NSD1: variants seen among roughly 807,000 people sequenced by gnomAD.
The protein encoded by NSD1 is nuclear receptor binding SET domain protein 1.
Under a neutral mutation model 242.7 loss-of-function variants are expected in NSD1, and 26 were observed. That is an observed-to-expected ratio of 0.11 (90% CI 0.08 to 0.15). The LOEUF (loss-of-function observed/expected upper bound fraction) is 0.15. NSD1 is among the 10% of genes least tolerant of loss of function. NSD1 has a pLI of 1.00. For missense variants in NSD1, 2,495 were observed against 3,272.8 expected (o/e 0.76, Z 5.80); for synonymous variants, 1,106 against 1,178.1 (o/e 0.94, Z 1.25).
chr5:177,139,086 C>A (rs990588080), intron 2 of NSD1, among the ~76,000 whole-genome samples: 7 of 151,470 alleles, frequency 4.6e-5, no homozygotes, highest in Admixed American at 2.0e-4. Flanking sequence ...CCCGTCTCTA[C>A]TAAAAATACA....
At chr5:177,213,976 T>C (rs1013644022) in intron 5 of NSD1, among the ~76,000 whole-genome samples, 1 of 152,060 alleles carries the variant, frequency 6.6e-6, no homozygotes, top group Admixed American at 6.6e-5. Context: ...GTACCTTTTT[T>C]GGTTTTTTTT....
At chr5:177,173,291 C>CAAAA (rs60043429) in intron 2 of NSD1, among the ~76,000 whole-genome samples, 2 of 97,042 alleles carry the variant, frequency 2.1e-5, no homozygotes, top group African/African-American at 4.0e-5. Context: ...GACTCTGTCT[C>CAAAA]AAAAAAAAAA....
intron 4 of NSD1, among the ~76,000 whole-genome samples, chr5:177,208,165 T>C (rs1265604711): frequency 6.6e-6 from 1 of 152,162 alleles, no homozygotes; most frequent in Non-Finnish European, 1.5e-5. Context: ...ATACCTATTG[T>C]ATGGAGGTAA....
chr5:177,248,389 A>G lies in NSD1; in HGVS notation c.4641+65A>G, dbSNP rs1417442323. On this transcript the variant is annotated intron_variant, in intron 11 of 22. Coordinates refer to ENST00000439151, the MANE Select transcript of NSD1 (RefSeq NM_022455.5). ...TCATCTTTAAAGGGAAACCCACTCC[A>G]TCTCTTTATGATGGTTTCTTGGTAG... 16 of 1,538,156 alleles carry G rather than the reference A, an allele frequency of 1.0e-5. No individual in the cohort carries two copies. In the East Asian group the frequency reaches 3.0e-4, roughly 29 times the overall value.
chr5:177,274,793 G>C (rs964488723), intron 17 of NSD1, among the ~76,000 whole-genome samples: 1 of 151,906 alleles, frequency 6.6e-6, no homozygotes, highest in Non-Finnish European at 1.5e-5. Context: ...GAGTGCAGTG[G>C]TGCAATCTTG....
chr5:177,157,760 C>A (rs898000859), intron 2 of NSD1, among the ~76,000 whole-genome samples: 1 of 152,216 alleles, frequency 6.6e-6, no homozygotes, highest in Admixed American at 6.5e-5. Context: ...GCAGTCATTT[C>A]CCATTAAGTC....
intron 12 of NSD1, 140 bp downstream of exon 12, chr5:177,251,993 T>C: frequency 9.6e-7 from 1 of 1,043,892 alleles, no homozygotes; most frequent in East Asian, 2.5e-5. Context: ...GTGGGGTCAC[T>C]GCTTTCAGAA....
intron 4 of NSD1, among the ~76,000 whole-genome samples, chr5:177,207,688 G>A (rs1246548781): frequency 1.5e-5 from 2 of 132,904 alleles, no homozygotes; most frequent in East Asian, 2.5e-4. Context: ...CCTCAGCCTC[G>A]CAAAGTGCTG....
chr5:177,209,572 A>G, intron 4 of NSD1, 64 bp from the exon 5 acceptor site: 2 of 1,209,704 alleles, frequency 1.7e-6, no homozygotes, highest in Non-Finnish European at 2.4e-6. Context: ...TTCTGATTTC[A>G]TCTCCCTTTT....
chr5:177,173,184 C>T (rs1329194820), intron 2 of NSD1, among the ~76,000 whole-genome samples: 3 of 147,374 alleles, frequency 2.0e-5, no homozygotes, highest in South Asian at 2.2e-4. Context: ...CCCAGCTACT[C>T]GGGAGGCTGA....
chr5:177,283,997 T>C, intron 20 of NSD1, 69 bp downstream of exon 20: 41 of 1,550,574 alleles, frequency 2.6e-5, no homozygotes, highest in Non-Finnish European at 3.6e-5. Context: ...ACAAACAGCT[T>C]CCTCAGATTA....
At chr5:177,142,743 T>G (rs1756929437) in intron 2 of NSD1, among the ~76,000 whole-genome samples, 1 of 152,224 alleles carries the variant, frequency 6.6e-6, no homozygotes, top group Non-Finnish European at 1.5e-5. Context: ...TTCCTTCCAG[T>G]CTATCCTGTG....
chr5:177,179,762 T>C (rs1654528517), intron 2 of NSD1, among the ~76,000 whole-genome samples: 1 of 152,174 alleles, frequency 6.6e-6, no homozygotes, highest in African/African-American at 2.4e-5. Flanking sequence ...GATTAACTAA[T>C]GATTAATTGT....
intron 2 of NSD1, among the ~76,000 whole-genome samples, chr5:177,160,448 G>A (rs189154792): frequency 1.2e-4 from 18 of 151,594 alleles, no homozygotes; most frequent in Admixed American, 7.9e-4. Context: ...TTACAGGCAC[G>A]TGCCACGACG....
intron 16 of NSD1, among the ~76,000 whole-genome samples, chr5:177,271,597 G>A (rs1350589423): frequency 6.6e-6 from 1 of 152,160 alleles, no homozygotes; most frequent in African/African-American, 2.4e-5. Flanking sequence ...TACCAAGAAG[G>A]CATCACATGT....
intron 2 of NSD1, among the ~76,000 whole-genome samples, chr5:177,185,967 AAC>A (rs1761155832): frequency 1.1e-5 from 1 of 94,004 alleles, no homozygotes; most frequent in Non-Finnish European, 1.9e-5. Flanking sequence ...ATTTATATAT[AAC>A]TATATTATAT....
intron 14 of NSD1, among the ~76,000 whole-genome samples, chr5:177,262,710 C>T (rs371971523): frequency 2.0e-5 from 3 of 152,230 alleles, no homozygotes; most frequent in Admixed American, 6.5e-5. Flanking sequence ...GAAACCCCAT[C>T]TCTGCTAAAA....
intron 2 of NSD1, among the ~76,000 whole-genome samples, chr5:177,159,022 A>ATATATATATATATATATATATATG (rs1215294756): frequency 2.5e-5 from 3 of 121,418 alleles, no homozygotes; most frequent in Admixed American, 8.2e-5. Context: ...ATATATATAT[A>ATATATATATATATATATATATATG]TATGAATGAT....
At chr5:177,271,923 A>C (rs569147769) in intron 16 of NSD1, among the ~76,000 whole-genome samples, 73 of 152,224 alleles carry the variant, frequency 4.8e-4, no homozygotes, top group African/African-American at 1.7e-3. Context: ...GGAGTTTGAG[A>C]CCAGCCTAGC....
Sources: gnomAD v4.1 joint callset for allele counts (sites outside exome capture counted in the v4.1 genomes callset) on GRCh38, gnomAD v4.1.1 for gene constraint, MANE v1.5 for transcripts, NCBI Gene and HGNC (gene_info 2026-07-23, HGNC 2026-07-21) for gene names.